The following RETSAT variants were observed in gnomAD, a reference collection of about 807,000 sequenced individuals.
RETSAT encodes retinol saturase, also known as all-trans-retinol 13,14-reductase.
A neutral mutation model predicts 61.6 loss-of-function variants in RETSAT; 35 were observed. That is an observed-to-expected ratio of 0.57 (90% CI 0.43 to 0.75). The LOEUF is 0.75. RETSAT is among the 30% of genes least tolerant of loss of function. RETSAT has a pLI of 0.00. For missense variants in RETSAT, 670 were observed against 759.5 expected, an observed-to-expected ratio of 0.88 and a Z score of 1.38; for synonymous variants, 277 against 310.4, an observed-to-expected ratio of 0.89 and a Z score of 1.13.
Position 85,342,976 on chromosome 2 carries a change from G to T in RETSAT, c.*266C>A. On this transcript the variant is annotated 3_prime_UTR_variant, in exon 11 of 11. Transcript: ENST00000295802. ...AGGGATGCAGAGCGCCGCTCGTCAT[G>T]AGACATCAAGCTATCCAAGTCAATA... is the stretch of plus-strand genomic sequence containing the variant. 1 of 365,706 alleles carries T rather than the reference G, an allele frequency of 2.7e-6. No individual in the cohort carries two copies. The highest frequency in any genetic ancestry group is 5.1e-6 in the Non-Finnish European group (1 of 194,964). The allele number at this position is 365,706 out of a possible 1,614,324, so 22.7% of individuals were successfully genotyped here.
intron 1 of RETSAT, among the ~76,000 whole-genome samples, chr2:85,352,192 C>T (rs1241650397): frequency 2.0e-5 from 3 of 151,972 alleles, no homozygotes. Context: ...GTAGCTGGGA[C>T]TACAGGTGCA....
intron 5 of RETSAT, among the ~76,000 whole-genome samples, chr2:85,348,344 T>C (rs1383730815): frequency 6.6e-6 from 1 of 152,110 alleles, no homozygotes; most frequent in African/African-American, 2.4e-5. Context: ...CTCAAGAAGA[T>C]AGTCGGCTGG....
chr2:85,351,453 A>T (rs556587288), intron 2 of RETSAT: 1 of 504,100 alleles, frequency 2.0e-6, no homozygotes, highest in East Asian at 3.4e-5. Flanking sequence ...AGGCATGAGA[A>T]TCACGAACTC....
chr2:85,350,345 C>T, intron 3 of RETSAT, 104 bp from the exon 4 acceptor site: 1 of 806,518 alleles, frequency 1.2e-6, no homozygotes, highest in Non-Finnish European at 2.1e-6. Context: ...AACACTTACC[C>T]CTGACTGAAC....
chr2:85,344,494 T>C, intron 7 of RETSAT, 100 bp downstream of exon 7: 1 of 1,560,352 alleles, frequency 6.4e-7, no homozygotes, highest in East Asian at 2.3e-5. Context: ...AGGAGCAAAT[T>C]AGAAATTGCC....
intron 6 of RETSAT, among the ~76,000 whole-genome samples, 200 bp from the exon 7 acceptor site, chr2:85,344,932 A>C (rs895681378): frequency 2.0e-5 from 3 of 152,164 alleles, no homozygotes; most frequent in African/African-American, 7.2e-5. Flanking sequence ...GACAAGGGAA[A>C]ATTGTAACCA....
In RETSAT at chr2:85,343,073, C is replaced by T; in HGVS notation, c.*169G>A. The T allele has an allele frequency of 1.1e-6, 1 of 887,172 alleles. No individual in the cohort carries two copies. Among genetic ancestry groups the T allele is most frequent in the Non-Finnish European group, 1.7e-6 (1 of 585,494 alleles). The allele number at this position is 887,172 out of a possible 1,614,324, so 55.0% of individuals were successfully genotyped here. A position where few individuals can be genotyped will look rare whatever the true frequency, so the allele number is the denominator to read the frequency against. On this transcript the variant is annotated 3_prime_UTR_variant, in exon 11 of 11. Transcript: ENST00000295802. ...CTGCCCCAGCTGGAAGCAGTGATTCCATTGCCCCAGATTCGGAATTGTGAT... is the reference window on the plus strand; with the variant it reads ...CTGCCCCAGCTGGAAGCAGTGATTCTATTGCCCCAGATTCGGAATTGTGAT...
intron 1 of RETSAT, 54 bp from the exon 2 acceptor site, chr2:85,351,916 A>G: frequency 6.5e-7 from 1 of 1,548,810 alleles, no homozygotes; most frequent in African/African-American, 1.4e-5. Context: ...GGGAAATAGC[A>G]AAGATAGGGA....
Position 85,346,078 on chromosome 2 carries a change from C to T in RETSAT, c.1014G>A (p.Lys338=). The change falls in exon 6 of 11, where the codon AAG becomes AAA. Residue 338 remains lysine, a synonymous_variant. Coordinates refer to ENST00000295802, the MANE Select transcript of RETSAT (RefSeq NM_017750.4). ...AATAGATGTTCACCAGCTCATGCCC[C>T]TTCTTCACACTGACACCTGCAGGCA... ...AGKACGVSVK[K]GHELVNIYCP... 6.2e-7 allele frequency: 1 copy of T among 1,611,962 alleles called. No homozygotes were observed. Among genetic ancestry groups the T allele is most frequent in the Non-Finnish European group, 8.5e-7 (1 of 1,178,238 alleles).
At chr2:85,349,610 G>A (rs1683265760) in intron 4 of RETSAT, 29 bp from the exon 5 acceptor site, 1 of 1,569,516 alleles carries the variant, frequency 6.4e-7, no homozygotes, top group Admixed American at 1.7e-5. Context: ...GTGGTGAGCT[G>A]GCAAGAGAAG....
At position 85,350,742 on chromosome 2, in the gene RETSAT, C is replaced by A. The variant is rs760170331; in HGVS notation, c.597+38G>T. ...TAATAATAAAGAAACCCAGCCTTAT[C>A]GAGAACAAACTCTGGGTCCTCAGCA... On this transcript the variant is annotated intron_variant, in intron 3 of 10. Transcript: ENST00000295802. 4 of 1,612,528 alleles carry A rather than the reference C, an allele frequency of 2.5e-6. No individual in the cohort carries two copies. In the African/African-American group the frequency reaches 4.0e-5, roughly 16 times the overall value.
At position 85,349,505 on chromosome 2, in the gene RETSAT, G is replaced by A. The variant is rs774278780; in HGVS notation, c.876C>T (p.Pro292=). The A allele has an allele frequency of 6.2e-7, 1 of 1,614,172 alleles. No homozygotes were observed. Among genetic ancestry groups the A allele is most frequent in the Non-Finnish European group, 8.5e-7 (1 of 1,180,022 alleles). The part of the protein sequence containing the change: ...VNHYMKGGFY[P]RGGSSEIAFH... ...AGGCAATTTCACTGGAACCCCCTCG[G>A]GGATAAAAGCCTCCTTTCATGTAGT... Residue 292 remains proline, a synonymous_variant, in exon 5 of 11, where the codon CCC becomes CCT. Transcript: ENST00000295802.
At chr2:85,349,249 G>T in intron 5 of RETSAT, 135 bp downstream of exon 5, 1 of 775,778 alleles carries the variant, frequency 1.3e-6, no homozygotes, top group Non-Finnish European at 2.1e-6. Flanking sequence ...CCTGGACCCT[G>T]CTCTGGGGCA....
intron 5 of RETSAT, among the ~76,000 whole-genome samples, chr2:85,346,841 T>C (rs1046870447): frequency 2.0e-5 from 3 of 152,132 alleles, no homozygotes; most frequent in African/African-American, 7.2e-5. Flanking sequence ...ACCTCCAAAA[T>C]CTTACAGCAG....
At chr2:85,349,782 C>T (rs1248964038) in intron 4 of RETSAT, 4 of 631,366 alleles carry the variant, frequency 6.3e-6, no homozygotes, top group South Asian at 2.0e-5. Context: ...GGAATACCCC[C>T]CCTGCAAACT....
Position 85,349,570 on chromosome 2 carries a change from T to TG in RETSAT, c.810dup (p.Asn271GlnfsTer28). 6.2e-7 allele frequency: 1 copy of TG among 1,614,048 alleles called. No individual in the cohort carries two copies. The highest frequency in any genetic ancestry group is 8.5e-7 in the Non-Finnish European group (1 of 1,179,964). ...GCGTGCATGGAAAAGGCACTGTGGTTGGGGGTGACACCTGCAGAAGCAAGG... is the reference window on the plus strand; with the variant it reads ...GCGTGCATGGAAAAGGCACTGTGGTTGGGGGGTGACACCTGCAGAAGCAAGG... On this transcript the variant is annotated frameshift_variant, in exon 5 of 11. Coordinates refer to ENST00000295802, the MANE Select transcript of RETSAT (RefSeq NM_017750.4). LOFTEE classifies it high-confidence loss of function.
At chr2:85,346,280 C>A (rs908306) in intron 5 of RETSAT, among the ~76,000 whole-genome samples, 186 bp from the exon 6 acceptor site, 89,944 of 152,020 alleles carry the variant, frequency 0.59, 27,658 homozygotes, top group East Asian at 0.9. Flanking sequence ...TGCTTTCACA[C>A]TATCCTACAA....
chr2:85,353,204 C>T (rs1349326820), intron 1 of RETSAT, among the ~76,000 whole-genome samples: 3 of 152,198 alleles, frequency 2.0e-5, no homozygotes, highest in South Asian at 4.1e-4. Flanking sequence ...GCCTGTAATC[C>T]CAACACTTTG....
At position 85,345,991 on chromosome 2, in the gene RETSAT, G is replaced by A. The variant is rs138319569; in HGVS notation, c.1101C>T (p.Asn367=). The part of the protein sequence containing the change: ...FNTYEHLLPG[N]ARCLPGVKQQ... ...GCCTTTTACCTGGCAGGCAGCGGGCGTTCCCCGGCAGTAGGTGTTCATAGG... is the reference window on the plus strand; with the variant it reads ...GCCTTTTACCTGGCAGGCAGCGGGCATTCCCCGGCAGTAGGTGTTCATAGG... Residue 367 remains asparagine, a synonymous_variant, in exon 6 of 11, where the codon AAC becomes AAT. Transcript: ENST00000295802. 100 of 1,614,048 alleles carry A rather than the reference G, an allele frequency of 6.2e-5. No homozygotes were observed. Among genetic ancestry groups the A allele is most frequent in the African/African-American group, 8.0e-5 (6 of 74,920 alleles).
Sources: gnomAD v4.1 joint callset for allele counts (sites outside exome capture counted in the v4.1 genomes callset) on GRCh38, gnomAD v4.1.1 for gene constraint, MANE v1.5 for transcripts, NCBI Gene and HGNC (gene_info 2026-07-23, HGNC 2026-07-21) for gene names.